Variants in KITLG observed in about 807,000 individuals in gnomAD.
KITLG encodes c-Kit ligand.
In KITLG, 13 loss-of-function variants were observed where a neutral mutation model predicts 34.1. The ratio of observed to expected loss-of-function variants is 0.38; its 90% confidence interval spans 0.25 to 0.61. The LOEUF (loss-of-function observed/expected upper bound fraction) is 0.61. Among genes scored for constraint, KITLG ranks in the 20% least tolerant of loss-of-function variants. KITLG has a pLI of 0.60. For synonymous variants in KITLG, 110 were observed against 104.0 expected (o/e 1.06, Z -0.35); for missense variants, 292 against 318.9 (o/e 0.92, Z 0.64).
At chr12:88,539,952 C>T (rs1296891838) in intron 2 of KITLG, among the ~76,000 whole-genome samples, 1 of 151,876 alleles carries the variant, frequency 6.6e-6, no homozygotes, top group Non-Finnish European at 1.5e-5. Context: ...CTTCAGGAGG[C>T]TTTTCAAGGT....
intron 9 of KITLG, among the ~76,000 whole-genome samples, chr12:88,501,445 C>T (rs1006723892): frequency 1.3e-4 from 20 of 152,002 alleles, no homozygotes; most frequent in Admixed American, 2.0e-4. Context: ...TTTTTTACTA[C>T]GGTTATTCTT....
chr12:88,505,038 G>A (rs1389546044), intron 9 of KITLG, 121 bp downstream of exon 9: 3 of 572,402 alleles, frequency 5.2e-6, no homozygotes, highest in African/African-American at 3.8e-5. Flanking sequence ...GTTAATGGGT[G>A]CAGCACACCA....
At chr12:88,527,205 C>A (rs1869906523) in intron 3 of KITLG, among the ~76,000 whole-genome samples, 1 of 152,050 alleles carries the variant, frequency 6.6e-6, no homozygotes, top group Non-Finnish European at 1.5e-5. Flanking sequence ...TGAAGCAGCT[C>A]CTTTTCCTGT....
At chr12:88,500,285 G>A (rs956291254) in intron 9 of KITLG, among the ~76,000 whole-genome samples, 3 of 152,186 alleles carry the variant, frequency 2.0e-5, no homozygotes, top group Non-Finnish European at 4.4e-5. Flanking sequence ...ATAGGTAACT[G>A]TATTTGGGTG....
chr12:88,576,929 C>G (rs936436641), intron 1 of KITLG, among the ~76,000 whole-genome samples: 11 of 152,154 alleles, frequency 7.2e-5, no homozygotes, highest in African/African-American at 2.2e-4. Context: ...ATCTTCAAAT[C>G]AGCAGTTAGA....
In KITLG at chr12:88,496,551, T is replaced by C. The variant is rs1307425234; in HGVS notation, c.*668A>G. ...TTCAGTACTGGCTCCCTTGCATAAA[T>C]GGAACCAGGCAACCATTTGCATTTG... is the stretch of plus-strand genomic sequence containing the variant. On this transcript the variant is annotated 3_prime_UTR_variant, in exon 10 of 10. Transcript: ENST00000644744. 1 of 152,182 alleles carries C rather than the reference T, an allele frequency of 6.6e-6. No individual in the cohort carries two copies. Among genetic ancestry groups the C allele is most frequent in the Non-Finnish European group, 1.5e-5 (1 of 68,048 alleles). The allele number at this position is 152,182 out of a possible 1,614,324, so 9.4% of individuals were successfully genotyped here. A position where few individuals can be genotyped will look rare whatever the true frequency, so the allele number is the denominator to read the frequency against.
intron 3 of KITLG, among the ~76,000 whole-genome samples, chr12:88,524,746 C>A (rs577692457): frequency 6.6e-6 from 1 of 152,214 alleles, no homozygotes; most frequent in Non-Finnish European, 1.5e-5. Context: ...GTACAGTATA[C>A]AAAAGAACTA....
At chr12:88,519,447 T>C (rs372206725) in intron 3 of KITLG, among the ~76,000 whole-genome samples, 1 of 152,130 alleles carries the variant, frequency 6.6e-6, no homozygotes, top group East Asian at 1.9e-4. Context: ...AAGAATAACA[T>C]TGAATTGGCT....
intron 1 of KITLG, among the ~76,000 whole-genome samples, chr12:88,568,470 T>C (rs1477453967): frequency 6.6e-6 from 1 of 152,084 alleles, no homozygotes; most frequent in Non-Finnish European, 1.5e-5. Flanking sequence ...TATAATCTCA[T>C]TTAATTCTTG....
At chr12:88,545,689 C>T in intron 2 of KITLG, 63 bp downstream of exon 2, 1 of 931,126 alleles carries the variant, frequency 1.1e-6, no homozygotes, top group Non-Finnish European at 1.7e-6. Flanking sequence ...CTTTTATCAA[C>T]AAGCACAGGA....
Position 88,525,395 on chromosome 12 carries a change from T to A in KITLG, c.193-6528A>T, listed in dbSNP as rs117334710. Among the ~76,000 whole-genome samples the A allele has an allele frequency of 6.2e-3, 944 of 152,312 alleles. 3 individuals are homozygous for A. The highest frequency in any genetic ancestry group is 0.011 in the Non-Finnish European group (736 of 68,022). On this transcript the variant is annotated intron_variant, in intron 3 of 9. Coordinates refer to ENST00000644744, the MANE Select transcript of KITLG (RefSeq NM_000899.5). ...TCAAGATTTGGAAATCTAGCATTTT[T>A]GCCAAGAGTTAAATGTTTATTCATA... is the stretch of plus-strand genomic sequence containing the variant.
intron 1 of KITLG, among the ~76,000 whole-genome samples, chr12:88,579,816 C>G (rs1871953131): frequency 1.0e-5 from 1 of 98,246 alleles, no homozygotes; most frequent in South Asian, 3.2e-4. Flanking sequence ...CCGGCGCCCA[C>G]CTCGGGGCTA....
At chr12:88,567,939 C>G (rs1871500936) in intron 1 of KITLG, among the ~76,000 whole-genome samples, 2 of 152,142 alleles carry the variant, frequency 1.3e-5, no homozygotes, top group Admixed American at 1.3e-4. Flanking sequence ...CATGATCATA[C>G]TATACAAAAA....
chr12:88,573,598 A>C (rs1019047922), intron 1 of KITLG, among the ~76,000 whole-genome samples: 1 of 152,278 alleles, frequency 6.6e-6, no homozygotes, highest in South Asian at 2.1e-4. Context: ...GGTGAAAAAG[A>C]GGGAAAAGTT....
intron 6 of KITLG, among the ~76,000 whole-genome samples, chr12:88,509,439 C>A (rs1869192834): frequency 6.6e-6 from 1 of 152,182 alleles, no homozygotes; most frequent in Non-Finnish European, 1.5e-5. Context: ...GGGCTTCCAA[C>A]AAAGCTGTGT....
intron 1 of KITLG, among the ~76,000 whole-genome samples, chr12:88,553,511 T>C (rs1870993545): frequency 6.6e-6 from 1 of 152,228 alleles, no homozygotes; most frequent in South Asian, 2.1e-4. Context: ...TTTATCATTG[T>C]ACAACTTTTC....
In KITLG at chr12:88,505,199, C is replaced by T. The variant is rs777958525; in HGVS notation, c.819G>A (p.Val273=). ...LQEKEREFQE[V] ...ACAGTGTTGATACAAGCCACAATTA[C>T]ACTTCTTGAAACTCTCTCTCTTTCT... Residue 273 remains valine (V), a synonymous_variant, in exon 9 of 10, where the codon GTG becomes GTA. Transcript: ENST00000644744. 6 of 1,608,950 alleles carry T rather than the reference C, an allele frequency of 3.7e-6. No individual in the cohort carries two copies. The highest frequency in any genetic ancestry group is 5.1e-6 in the Non-Finnish European group (6 of 1,175,468).
intron 8 of KITLG, among the ~76,000 whole-genome samples, chr12:88,505,809 C>CG (rs1869035753): frequency 6.6e-6 from 1 of 152,126 alleles, no homozygotes; most frequent in Admixed American, 6.6e-5. Context: ...CCAGGGTTTA[C>CG]AGAAGAGTGT....
At chr12:88,570,185 A>G (rs1871598439) in intron 1 of KITLG, among the ~76,000 whole-genome samples, 1 of 152,354 alleles carries the variant, frequency 6.6e-6, no homozygotes, top group East Asian at 1.9e-4. Flanking sequence ...TTTGAAAGAC[A>G]GAAAGCTTTT....
Sources: allele counts gnomAD v4.1 joint callset (sites outside exome capture counted in the v4.1 genomes callset), GRCh38; gene constraint gnomAD v4.1.1; transcripts MANE v1.5; gene names NCBI Gene and HGNC (gene_info 2026-07-23, HGNC 2026-07-21).